The following WDR4 variants were observed in gnomAD, a reference collection of about 807,000 sequenced individuals.
WDR4 encodes tRNA (guanine-N(7)-)-methyltransferase non-catalytic subunit WDR4.
A neutral mutation model predicts 48.6 loss-of-function variants in WDR4; 47 were observed. The observed-to-expected ratio is 0.97, with a 90% CI of 0.77 to 1.23. WDR4 has a LOEUF of 1.23. Ranked by LOEUF, WDR4 falls within the 50% of genes most tolerant of loss-of-function variation. WDR4 has a pLI of 0.00. For missense variants in WDR4, 606 were observed against 551.6 expected (o/e 1.10, Z -0.99); for synonymous variants, 268 against 230.0 (o/e 1.17, Z -1.49).
At chr21:42,861,854 CAG>C (rs2058123645) in intron 5 of WDR4, among the ~76,000 whole-genome samples, 2 of 152,230 alleles carry the variant, frequency 1.3e-5, no homozygotes, top group African/African-American at 4.8e-5. Flanking sequence ...TGGGTCCTGG[CAG>C]AGTGTGCTGC....
the WDR4 span, among the ~76,000 whole-genome samples, chr21:42,887,692 T>C: frequency 6.6e-6 from 1 of 152,184 alleles, no homozygotes; most frequent in Non-Finnish European, 1.5e-5. Flanking sequence ...GTGGTCTCTG[T>C]TTCTGTATAA....
intron 2 of WDR4, among the ~76,000 whole-genome samples, chr21:42,874,156 G>C (rs2058435237): frequency 6.6e-6 from 1 of 152,190 alleles, no homozygotes; most frequent in Non-Finnish European, 1.5e-5. Flanking sequence ...AGATTTCATG[G>C]ACATTTATTA....
In WDR4 at chr21:42,862,380, A is replaced by G; in HGVS notation, c.468T>C (p.Asp156=). The change falls in exon 5 of 11, where the codon GAT becomes GAC. Residue 156 remains aspartate, a synonymous_variant. Coordinates refer to ENST00000398208, the MANE Select transcript of WDR4 (RefSeq NM_018669.6). The surrounding 1 kb of genome is among the most constrained non-coding windows in gnomAD (Gnocchi z 4.3). Reference sequence around the variant, plus strand: ...GGTCGGCAGTGAGGATGAAGCGGTCATCAGGACTCACAGCCTGCATCACCA... The same window carrying G: ...GGTCGGCAGTGAGGATGAAGCGGTCGTCAGGACTCACAGCCTGCATCACCA... ...SMLLDVAVSP[D]DRFILTADRD... is the part of the protein sequence containing the mutation. 3.7e-6 allele frequency: 6 copies of G among 1,607,992 alleles called. No individual in the cohort carries two copies. Among genetic ancestry groups the G allele is most frequent in the Non-Finnish European group, 5.1e-6 (6 of 1,177,304 alleles).
intron 3 of WDR4, among the ~76,000 whole-genome samples, chr21:42,868,211 C>T (rs1388214605): frequency 1.3e-5 from 2 of 152,154 alleles, no homozygotes; most frequent in Non-Finnish European, 2.9e-5. Flanking sequence ...CCTGGGCCTC[C>T]GCGCTTCCAT....
At chr21:42,890,490 C>T in the WDR4 span, among the ~76,000 whole-genome samples, 65 of 152,082 alleles carry the variant, frequency 4.3e-4, 1 homozygote, top group Non-Finnish European at 7.4e-5. Context: ...GAGCCAAGAT[C>T]GCGCCACTGC....
chr21:42,871,797 T>C (rs1031029932), intron 3 of WDR4, among the ~76,000 whole-genome samples: 1 of 152,204 alleles, frequency 6.6e-6, no homozygotes, highest in African/African-American at 2.4e-5. Context: ...TGTGCATCTA[T>C]TACCTACCTG....
intron 2 of WDR4, among the ~76,000 whole-genome samples, chr21:42,874,179 A>C (rs1432706823): frequency 6.6e-6 from 1 of 152,152 alleles, no homozygotes; most frequent in Non-Finnish European, 1.5e-5. Flanking sequence ...TCCCCAAATT[A>C]ATACTTTTAT....
At chr21:42,875,815 A>G (rs950623997) in intron 2 of WDR4, among the ~76,000 whole-genome samples, 9 of 152,112 alleles carry the variant, frequency 5.9e-5, no homozygotes, top group African/African-American at 2.2e-4. Context: ...AATTAGCTGA[A>G]GTTAACTTCC....
rs374154418 is a variant in WDR4, at chr21:42,870,334, G to A, written c.296+3217C>T. ...CCACTGCACTCCAGCCTGGGTGACA[G>A]AGCGAGACTCTGTCTCAAAACAAAG... On this transcript the variant is annotated intron_variant, in intron 3 of 10. Coordinates refer to ENST00000398208, the MANE Select transcript of WDR4 (RefSeq NM_018669.6). 1.5e-4 allele frequency among the ~76,000 whole-genome samples: 22 copies of A among 151,610 alleles called. 1 individual carries two copies. The South Asian group carries it at 2.1e-3, about 14-fold the overall frequency.
At chr21:42,868,701 G>A (rs1231521005) in intron 3 of WDR4, among the ~76,000 whole-genome samples, 1 of 152,210 alleles carries the variant, frequency 6.6e-6, no homozygotes, top group African/African-American at 2.4e-5. Flanking sequence ...GGGGCCACAA[G>A]GTGTCCACTC....
chr21:42,892,407 C>T, the WDR4 span, among the ~76,000 whole-genome samples: 232 of 152,140 alleles, frequency 1.5e-3, no homozygotes, highest in Admixed American at 1.8e-3. Context: ...CTTGCATTTA[C>T]TTGATAGCAG....
intron 2 of WDR4, among the ~76,000 whole-genome samples, chr21:42,875,661 T>C (rs955496284): frequency 6.6e-6 from 1 of 152,152 alleles, no homozygotes; most frequent in Non-Finnish European, 1.5e-5. Context: ...GAGTTATGTT[T>C]GTGCAACTGC....
At chr21:42,845,282 A>G (rs191519580), downstream of WDR4, among the ~76,000 whole-genome samples, 7 of 152,346 alleles carry the variant, frequency 4.6e-5, no homozygotes, top group Admixed American at 1.3e-4. Flanking sequence ...TGGAAATTAA[A>G]CCATACTTCC....
At chr21:42,843,218 G>C (rs547110094) in exon 12 of WDR4, 10 of 152,254 alleles carry the variant, frequency 6.6e-5, no homozygotes, top group Middle Eastern at 6.8e-3. Context: ...ATCGTCGGCC[G>C]ACAGATCGCA....
chr21:42,891,049 A>G, the WDR4 span, among the ~76,000 whole-genome samples: 1 of 152,160 alleles, frequency 6.6e-6, no homozygotes, highest in African/African-American at 2.4e-5. Flanking sequence ...ATGGCTAAGC[A>G]TAGTGGCTCA....
intron 6 of WDR4, among the ~76,000 whole-genome samples, chr21:42,857,671 T>C (rs932753511): frequency 4.6e-5 from 7 of 152,012 alleles, no homozygotes; most frequent in African/African-American, 1.4e-4. Context: ...AAGAAAGAAC[T>C]AAAGATTCAA....
At chr21:42,866,390 C>T (rs1451472050) in intron 3 of WDR4, among the ~76,000 whole-genome samples, 3 of 152,196 alleles carry the variant, frequency 2.0e-5, no homozygotes, top group Admixed American at 6.5e-5. Flanking sequence ...CCTAGGGTCT[C>T]GCCCAGCTCA....
At chr21:42,892,239 G>A in the WDR4 span, among the ~76,000 whole-genome samples, 1 of 144,022 alleles carries the variant, frequency 6.9e-6, no homozygotes, top group African/African-American at 2.7e-5. Context: ...GGGCTACAGA[G>A]CAAGACTCCG....
intron 2 of WDR4, among the ~76,000 whole-genome samples, chr21:42,873,895 A>C (rs967365416): frequency 2.0e-5 from 3 of 152,150 alleles, no homozygotes; most frequent in Non-Finnish European, 4.4e-5. Flanking sequence ...ACTAAACAGA[A>C]AATCTCCCAG....
Sources: allele counts gnomAD v4.1 joint callset (sites outside exome capture counted in the v4.1 genomes callset), GRCh38; gene constraint gnomAD v4.1.1; non-coding constraint Gnocchi (gnomAD v3.1); transcripts MANE v1.5; gene names NCBI Gene and HGNC (gene_info 2026-07-23, HGNC 2026-07-21).